The following EIF4A2 variants were observed in gnomAD, a reference collection of about 807,000 sequenced individuals.
The protein encoded by EIF4A2 is eukaryotic initiation factor 4A-II.
EIF4A2 carries 9 observed loss-of-function variants against 50.6 expected under a neutral mutation model. The observed-to-expected ratio is 0.18, with a 90% confidence interval of 0.11 to 0.31. EIF4A2 has a LOEUF of 0.31. Among genes scored for constraint, EIF4A2 ranks in the 10% least tolerant of loss-of-function variants. EIF4A2 has a pLI of 1.00. For synonymous variants in EIF4A2, 215 were observed against 164.4 expected (o/e 1.31, Z -2.35); for missense variants, 182 against 501.8 (o/e 0.36, Z 6.09).
intron 1 of EIF4A2, 92 bp from the exon 2 acceptor site, chr3:186,784,340 A>G: frequency 6.3e-7 from 1 of 1,584,126 alleles, no homozygotes; most frequent in Non-Finnish European, 8.7e-7. Context: ...GGGGAGGCTA[A>G]CGTGCTGAGA....
In EIF4A2 at chr3:186,786,290, C is replaced by A. The variant is rs1268606795; in HGVS notation, c.627+17C>A. 6.2e-7 allele frequency: 1 copy of A among 1,603,784 alleles called. No homozygotes were observed. The highest frequency in any genetic ancestry group is 1.7e-5 in the Admixed American group (1 of 59,330). On this transcript the variant is annotated intron_variant, in intron 6 of 10. Transcript: ENST00000323963. ...AGTATTCAGGTAAGCATTACTTCAC[C>A]CCCCTCTTAAAGGTAGAGATGGGGT...
rs372045163 is a variant in EIF4A2, at chr3:186,789,083, C to T, written c.1080-42C>T. On this transcript the variant is annotated intron_variant, in intron 10 of 10. Coordinates refer to ENST00000323963, the MANE Select transcript of EIF4A2 (RefSeq NM_001967.4). ...GGATCGTCATGTTCAGTAGTTTATA[C>T]ATTATGTGAGAAGTAACGTTCTGAT... The T allele has an allele frequency of 1.6e-5, 26 of 1,600,700 alleles. No homozygotes were observed. In the African/African-American group the frequency reaches 3.0e-4, roughly 18 times the overall value.
At chr3:186,783,755 C>T in intron 1 of EIF4A2, 116 bp downstream of exon 1, 1 of 1,525,936 alleles carries the variant, frequency 6.6e-7, no homozygotes, top group South Asian at 1.1e-5. Context: ...TCTTAGGGTA[C>T]AGCACTCCTG....
At chr3:186,785,699 G>A (rs939050229) in intron 4 of EIF4A2, 184 bp from the exon 5 acceptor site, 7 of 667,238 alleles carry the variant, frequency 1.0e-5, no homozygotes, top group African/African-American at 9.0e-5. Context: ...CAAGGCATAA[G>A]AAAGACATTA....
chr3:186,789,589 G>A lies in EIF4A2; in HGVS notation c.*320G>A, dbSNP rs183569905. 61 of 330,740 alleles carry A rather than the reference G, an allele frequency of 1.8e-4. No individual in the cohort carries two copies. Among genetic ancestry groups the A allele is most frequent in the Non-Finnish European group, 7.2e-5 (13 of 181,180 alleles). 20.5% of individuals were successfully genotyped at this position (330,740 alleles called of 1,614,324 possible). On this transcript the variant is annotated 3_prime_UTR_variant, in exon 11 of 11. Transcript: ENST00000323963. ...TTCTCTATCATTTAATAATATACTT[G>A]TGGACTAAAAGATATAAGTGCTGTA...
At chr3:186,784,513 G>A (rs1560083528) in intron 2 of EIF4A2, 36 bp downstream of exon 2, 1 of 1,614,170 alleles carries the variant, frequency 6.2e-7, no homozygotes, top group Admixed American at 1.7e-5. Context: ...GCTTTGGAAA[G>A]GTGAGTGTGT....
intron 7 of EIF4A2, 82 bp from the exon 8 acceptor site, chr3:186,787,045 C>G: frequency 1.3e-6 from 2 of 1,581,674 alleles, no homozygotes; most frequent in Non-Finnish European, 1.7e-6. Context: ...GGCATTAGCA[C>G]TGTGGCTGGC....
intron 6 of EIF4A2, 94 bp downstream of exon 6, chr3:186,786,367 C>G: frequency 6.6e-7 from 1 of 1,511,198 alleles, no homozygotes; most frequent in South Asian, 1.3e-5. Flanking sequence ...TGTTGTCGTT[C>G]CCCCTGCTTA....
At chr3:186,787,318 A>G (rs1294108963) in intron 8 of EIF4A2, 54 bp downstream of exon 8, 9 of 1,613,748 alleles carry the variant, frequency 5.6e-6, no homozygotes, top group South Asian at 1.1e-5. Flanking sequence ...TTCAGACTAC[A>G]ATATAGCTGC....
At position 186,787,566 on chromosome 3, in the gene EIF4A2, G is replaced by T. The variant is rs773915831; in HGVS notation, c.981G>T (p.Leu327=). The T allele has an allele frequency of 1.2e-6, 2 of 1,613,974 alleles. No individual in the cohort carries two copies. The highest frequency in any genetic ancestry group is 4.5e-5 in the East Asian group (2 of 44,886). The change falls in exon 9 of 11, where the codon CTG becomes CTT. Residue 327 remains leucine, a synonymous_variant. Coordinates refer to ENST00000323963, the MANE Select transcript of EIF4A2 (RefSeq NM_001967.4). ...TCCGGTCAGGGTCAAGTCGTGTTCTGATCACTACTGACTTGTTGGTAAGTC... is the reference window on the plus strand; with the variant it reads ...TCCGGTCAGGGTCAAGTCGTGTTCTTATCACTACTGACTTGTTGGTAAGTC... ...REFRSGSSRV[L]ITTDLLARGI...
chr3:186,789,373 T>C lies in EIF4A2; in HGVS notation c.*104T>C. 1 of 1,442,406 alleles carries C rather than the reference T, an allele frequency of 6.9e-7. No homozygotes were observed. The highest frequency in any genetic ancestry group is 9.3e-7 in the Non-Finnish European group (1 of 1,080,502). 89.4% of individuals were successfully genotyped at this position (1,442,406 alleles called of 1,614,324 possible). ...TGGGAATATTTGAATCTTGTCTCAA[T>C]GCTCATAACGGATCAGAAATACAGA... On this transcript the variant is annotated 3_prime_UTR_variant, in exon 11 of 11. Coordinates refer to ENST00000323963, the MANE Select transcript of EIF4A2 (RefSeq NM_001967.4).
At chr3:186,784,140 C>T (rs1050368427) in intron 1 of EIF4A2, 9 of 525,278 alleles carry the variant, frequency 1.7e-5, no homozygotes, top group African/African-American at 3.8e-5. Flanking sequence ...CCGCGTCAAT[C>T]ACCCGGCTTG....
chr3:186,786,020 A>G lies in EIF4A2; in HGVS notation c.486A>G (p.Arg162=). The G allele has an allele frequency of 6.2e-7, 1 of 1,609,136 alleles. No individual in the cohort carries two copies. Residue 162 remains arginine (R), a synonymous_variant, in exon 5 of 11, where the codon AGA becomes AGG. Coordinates refer to ENST00000323963, the MANE Select transcript of EIF4A2 (RefSeq NM_001967.4). The part of the protein sequence containing the change: ...APHIVVGTPG[R]VFDMLNRRYL... ...ATATTGTTGTTGGTACACCCGGGAG[A>G]GTGTTTGATATGTTAAACAGAAGAT...
In EIF4A2 at chr3:186,784,709, G is replaced by T; in HGVS notation, c.208+13G>T. The T allele has an allele frequency of 6.2e-7, 1 of 1,612,078 alleles. No homozygotes were observed. The highest frequency in any genetic ancestry group is 1.1e-5 in the South Asian group (1 of 91,032). On this transcript the variant is annotated intron_variant, in intron 3 of 10. Transcript: ENST00000323963. ...CCCTGTATTAAAGGTAAAAGAAACT[G>T]GCATTTTTAGGAAATTGTTCTACAT... is the stretch of plus-strand genomic sequence containing the variant.
rs1042800278 is a variant in EIF4A2, at chr3:186,783,869, T to C, written c.29+230T>C. The C allele has an allele frequency of 6.6e-6, 4 of 605,078 alleles. No homozygotes were observed. In the South Asian group the frequency reaches 8.8e-5, roughly 13 times the overall value. 37.5% of individuals were successfully genotyped at this position (605,078 alleles called of 1,614,324 possible). On this transcript the variant is annotated intron_variant, in intron 1 of 10. Coordinates refer to ENST00000323963, the MANE Select transcript of EIF4A2 (RefSeq NM_001967.4). ...AGGGCGTTTTTCCTCTCTAAGACAT[T>C]ACGAAACTTCGGCTGCTTTCCTTCC...
Position 186,787,898 on chromosome 3 carries a change from C to T in EIF4A2, c.1079+16C>T, listed in dbSNP as rs767643540. On this transcript the variant is annotated intron_variant, in intron 10 of 10. Coordinates refer to ENST00000323963, the MANE Select transcript of EIF4A2 (RefSeq NM_001967.4). ...ATATTCACAGGTGAGAAGCCAGCAT[C>T]TTGGCTGTATTGAAAAAAATTCATA... is the stretch of plus-strand genomic sequence containing the variant. 1.5e-4 allele frequency: 242 copies of T among 1,612,462 alleles called. No homozygotes were observed. Among genetic ancestry groups the T allele is most frequent in the Middle Eastern group, 9.9e-4 (6 of 6,082 alleles).
rs1721998919 is a variant in EIF4A2 at position 186,789,646 on chromosome 3, T to C, written c.*377T>C. The C allele has an allele frequency of 2.9e-6, 1 of 341,326 alleles. No homozygotes were observed. 21.1% of individuals were successfully genotyped at this position (341,326 alleles called of 1,614,324 possible). A position where few individuals can be genotyped will look rare whatever the true frequency, so the allele number is the denominator to read the frequency against. On this transcript the variant is annotated 3_prime_UTR_variant, in exon 11 of 11. Coordinates refer to ENST00000323963, the MANE Select transcript of EIF4A2 (RefSeq NM_001967.4). The stretch of plus-strand genomic sequence containing the variant: ...CAGCCAATTATGTTAAACTAGCATA[T>C]CTGCCTTTATTGTGTTTGTCATTAG...
At chr3:186,788,814 G>C in intron 10 of EIF4A2, 1 of 293,764 alleles carries the variant, frequency 3.4e-6, no homozygotes, top group East Asian at 7.1e-5. Flanking sequence ...ACCTGCTCTT[G>C]GCTGGCCCAC....
chr3:186,787,216 C>CTGGCTG lies in EIF4A2; in HGVS notation c.862_867dup (p.Trp288_Leu289dup). ...TTCTCAATACGAGGCGCAAGGTGGA[C>CTGGCTG]TGGCTGACTGAGAAGATGCATGCCA... is the stretch of plus-strand genomic sequence containing the variant. On this transcript the variant is annotated inframe_insertion, in exon 8 of 11. Coordinates refer to ENST00000323963, the MANE Select transcript of EIF4A2 (RefSeq NM_001967.4). The CTGGCTG allele has an allele frequency of 6.2e-7, 1 of 1,614,134 alleles. No homozygotes were observed. Among genetic ancestry groups the CTGGCTG allele is most frequent in the Non-Finnish European group, 8.5e-7 (1 of 1,179,996 alleles).
Sources: allele counts gnomAD v4.1 joint callset, GRCh38; gene constraint gnomAD v4.1.1; transcripts MANE v1.5; gene names NCBI Gene and HGNC (gene_info 2026-07-23, HGNC 2026-07-21).